The following LAMB1 variants were observed in gnomAD, a reference collection of about 807,000 sequenced individuals.
The protein encoded by LAMB1 is laminin subunit beta 1.
LAMB1 carries 121 observed loss-of-function variants against 222.3 expected under a neutral mutation model. That is an observed-to-expected ratio of 0.54 (90% confidence interval 0.47 to 0.63). The LOEUF is 0.63. LAMB1 is among the 30% of genes least tolerant of loss of function. The pLI is 0.00. For missense variants in LAMB1, 2,172 were observed against 2,240.8 expected (o/e 0.97, Z 0.62); for synonymous variants, 794 against 807.2 (o/e 0.98, Z 0.28).
chr7:107,929,833 C>T lies in LAMB1; in HGVS notation c.4538-214G>A, dbSNP rs2032662921. ...AGTAACTGCAGACAATTGAGTACTA[C>T]TAGAATTTGTTTTAGGCTGGGTAGT... On this transcript the variant is annotated intron_variant, in intron 29 of 33. Coordinates refer to ENST00000222399, the MANE Select transcript of LAMB1 (RefSeq NM_002291.3). 5.2e-6 allele frequency: 3 copies of T among 580,518 alleles called. 1 individual carries two copies. The South Asian group carries it at 6.2e-5, about 12-fold the overall frequency. 36.0% of individuals were successfully genotyped at this position (580,518 alleles called of 1,614,324 possible). A position where few individuals can be genotyped will look rare whatever the true frequency, so the allele number is the denominator to read the frequency against.
chr7:107,944,713 C>T (rs1421211236), intron 24 of LAMB1, among the ~76,000 whole-genome samples: 1 of 152,154 alleles, frequency 6.6e-6, no homozygotes, highest in Non-Finnish European at 1.5e-5. Context: ...AGACCCCCTC[C>T]ACTTCAAGAA....
At chr7:107,947,557 C>T (rs767004721) in intron 24 of LAMB1, among the ~76,000 whole-genome samples, 1 of 152,198 alleles carries the variant, frequency 6.6e-6, no homozygotes, top group Non-Finnish European at 1.5e-5. Context: ...GCCTTGTCTG[C>T]CTCTGCATCT....
At chr7:107,948,937 TA>T (rs1303213608) in intron 24 of LAMB1, among the ~76,000 whole-genome samples, 1 of 151,882 alleles carries the variant, frequency 6.6e-6, no homozygotes, top group Non-Finnish European at 1.5e-5. Flanking sequence ...AAGGGAGGAG[TA>T]AAAAGGAACA....
chr7:107,973,085 C>A lies in LAMB1; in HGVS notation c.1483-14G>T. On this transcript the variant is annotated splice_polypyrimidine_tract_variant and intron_variant, in intron 12 of 33. Coordinates refer to ENST00000222399, the MANE Select transcript of LAMB1 (RefSeq NM_002291.3). Reference sequence around the variant, plus strand: ...CCAGTGCTCTGGCTGCAGAACAAAACGTGAAACATGTAACGGTAGGTTTCT... The same window carrying A: ...CCAGTGCTCTGGCTGCAGAACAAAAAGTGAAACATGTAACGGTAGGTTTCT... 1 of 1,609,696 alleles carries A rather than the reference C, an allele frequency of 6.2e-7. No individual in the cohort carries two copies. Among genetic ancestry groups the A allele is most frequent in the Non-Finnish European group, 8.5e-7 (1 of 1,176,032 alleles).
chr7:107,998,511 T>A lies in LAMB1; in HGVS notation c.214-19A>T. 1.2e-6 allele frequency: 2 copies of A among 1,610,568 alleles called. No homozygotes were observed. Among genetic ancestry groups the A allele is most frequent in the South Asian group, 2.2e-5 (2 of 90,352 alleles). Reference sequence around the variant, plus strand: ...TGTCCTCCTACAAACAAAGTTGAGTTCATCAGTCTAGAAAGCAATCTCATT... The same window carrying A: ...TGTCCTCCTACAAACAAAGTTGAGTACATCAGTCTAGAAAGCAATCTCATT... On this transcript the variant is annotated intron_variant, in intron 3 of 33. Transcript: ENST00000222399.
intron 13 of LAMB1, 61 bp from the exon 14 acceptor site, chr7:107,964,748 A>G: frequency 5.0e-6 from 8 of 1,594,930 alleles, no homozygotes; most frequent in Non-Finnish European, 6.8e-6. Flanking sequence ...ACCCGCCAGA[A>G]GCAGCTCTAC....
At chr7:107,989,708 C>T (rs996594045) in intron 5 of LAMB1, among the ~76,000 whole-genome samples, 4 of 152,156 alleles carry the variant, frequency 2.6e-5, no homozygotes, top group Non-Finnish European at 5.9e-5. Context: ...CCCGTGAGAG[C>T]CTGGCTGGGA....
At chr7:107,941,030 C>T (rs377615007) in intron 24 of LAMB1, among the ~76,000 whole-genome samples, 1 of 152,222 alleles carries the variant, frequency 6.6e-6, no homozygotes, top group African/African-American at 2.4e-5. Flanking sequence ...TATAATCTAA[C>T]TTGGGGGTGT....
At chr7:107,985,343 G>A (rs1435191780) in intron 7 of LAMB1, among the ~76,000 whole-genome samples, 1 of 152,192 alleles carries the variant, frequency 6.6e-6, no homozygotes. Context: ...TTTTATTTGG[G>A]CCAGGCGCGC....
In LAMB1 at chr7:107,964,830, GA is replaced by G. The variant is rs977986882; in HGVS notation, c.1563-144del. The G allele has an allele frequency of 7.0e-5, 67 of 951,196 alleles. 1 individual carries two copies. Among genetic ancestry groups the G allele is most frequent in the East Asian group, 4.4e-4 (16 of 36,644 alleles). 58.9% of individuals were successfully genotyped at this position (951,196 alleles called of 1,614,324 possible). A position where few individuals can be genotyped will look rare whatever the true frequency, so the allele number is the denominator to read the frequency against. On this transcript the variant is annotated intron_variant, in intron 13 of 33. Transcript: ENST00000222399. ...GTTTTCTTCAGAAAATACATATGTG[GA>G]AAAAAGTAGTGCCTATGGATTAATC...
At position 107,961,538 on chromosome 7, in the gene LAMB1, G is replaced by T. The variant is rs192349543; in HGVS notation, c.1985+11C>A. 3.7e-6 allele frequency: 6 copies of T among 1,609,206 alleles called. No individual in the cohort carries two copies. In the South Asian group the frequency reaches 5.5e-5, roughly 15 times the overall value. On this transcript the variant is annotated intron_variant, in intron 16 of 33. Coordinates refer to ENST00000222399, the MANE Select transcript of LAMB1 (RefSeq NM_002291.3). ...AAGCCCGTTGAGCTGCCAAACCACC[G>T]TCACACTGACCTTGAGCCTGGTGAT...
At chr7:107,966,074 G>A (rs753077772) in intron 13 of LAMB1, among the ~76,000 whole-genome samples, 2 of 151,832 alleles carry the variant, frequency 1.3e-5, no homozygotes, top group Non-Finnish European at 2.9e-5. Context: ...CTCCAGCCTG[G>A]GTGACAGAGT....
chr7:107,964,772 C>G (rs2033594080), intron 13 of LAMB1, 85 bp from the exon 14 acceptor site: 1 of 1,478,478 alleles, frequency 6.8e-7, no homozygotes, highest in Admixed American at 1.8e-5. Flanking sequence ...TGCCATTACT[C>G]AGTACACAGG....
Position 107,938,939 on chromosome 7 carries a change from T to G in LAMB1, c.3761+1050A>C, listed in dbSNP as rs183112832. Among the ~76,000 whole-genome samples, 155 of 152,334 alleles carry G rather than the reference T, an allele frequency of 1.0e-3. 1 individual carries two copies. The highest frequency in any genetic ancestry group is 3.5e-3 in the African/African-American group (147 of 41,582). On this transcript the variant is annotated intron_variant, in intron 25 of 33. Coordinates refer to ENST00000222399, the MANE Select transcript of LAMB1 (RefSeq NM_002291.3). ...GCTTGAGCTAATGTCAGCTGTCCTC[T>G]GCTACTCATGCCTGGTATGAGATGA... is the stretch of plus-strand genomic sequence containing the variant.
intron 24 of LAMB1, chr7:107,942,371 C>T (rs1186938382): frequency 6.6e-6 from 1 of 152,226 alleles, no homozygotes. Flanking sequence ...ACATCACCAT[C>T]CTTTCAACCC....
At chr7:107,961,085 A>G in intron 17 of LAMB1, 121 bp downstream of exon 17, 3 of 1,121,104 alleles carry the variant, frequency 2.7e-6, no homozygotes, top group Non-Finnish European at 2.6e-6. Context: ...CCGTGGAGGC[A>G]AGAAAGAATG....
intron 27 of LAMB1, among the ~76,000 whole-genome samples, chr7:107,933,418 A>G (rs1461026621): frequency 6.6e-6 from 1 of 152,222 alleles, no homozygotes; most frequent in Non-Finnish European, 1.5e-5. Flanking sequence ...TATATCTCAA[A>G]TTACAACTAA....
intron 13 of LAMB1, among the ~76,000 whole-genome samples, chr7:107,966,552 G>A: frequency 6.6e-6 from 1 of 152,152 alleles, no homozygotes; most frequent in East Asian, 1.9e-4. Context: ...TCCCAAGAAA[G>A]GAAAGCTTGT....
rs2034321108 is a variant in LAMB1, at chr7:107,998,463, G to A, written c.243C>T (p.Ser81=). ...TCAGGGTCTCATGATAAGGATCTTG[G>A]GAATTGCATATGAAGCATTTTTTGT... is the stretch of plus-strand genomic sequence containing the variant. ...QEDKKCFICN[S]QDPYHETLNP... The change falls in exon 4 of 34, where the codon TCC becomes TCT. Residue 81 remains serine, a synonymous_variant. Coordinates refer to ENST00000222399, the MANE Select transcript of LAMB1 (RefSeq NM_002291.3). 6.2e-7 allele frequency: 1 copy of A among 1,613,632 alleles called. No homozygotes were observed. Among genetic ancestry groups the A allele is most frequent in the Non-Finnish European group, 8.5e-7 (1 of 1,179,776 alleles).
Sources: allele counts gnomAD v4.1 joint callset (sites outside exome capture counted in the v4.1 genomes callset), GRCh38; gene constraint gnomAD v4.1.1; transcripts MANE v1.5; gene names NCBI Gene and HGNC (gene_info 2026-07-23, HGNC 2026-07-21).